RAD51B: variants seen among roughly 807,000 people sequenced by gnomAD.
RAD51B encodes the protein RAD51 paralog B, also known as DNA repair protein RAD51 homolog 2.
In RAD51B, 38 loss-of-function variants were observed where a neutral mutation model predicts 42.2. The observed-to-expected ratio is 0.90, with a 90% confidence interval of 0.70 to 1.18. The LOEUF is 1.18. Among genes scored for constraint, RAD51B ranks in the 50% most tolerant of loss-of-function variants. RAD51B has a pLI of 0.00. For synonymous variants in RAD51B, 154 were observed against 145.2 expected, an observed-to-expected ratio of 1.06 and a Z score of -0.43; for missense variants, 373 against 400.7, an observed-to-expected ratio of 0.93 and a Z score of 0.59.
chr14:68,236,195 C>T (rs565677471), intron 7 of RAD51B: 20 of 152,180 alleles, frequency 1.3e-4, no homozygotes, highest in Admixed American at 1.2e-3. Flanking sequence ...GGTATATGTG[C>T]CCCTGAACCT....
chr14:68,514,418 A>G (rs973951836), intron 10 of RAD51B, among the ~76,000 whole-genome samples: 3 of 152,194 alleles, frequency 2.0e-5, no homozygotes, highest in Non-Finnish European at 4.4e-5. Flanking sequence ...CAAGTGGACA[A>G]ATCTGATCAA....
At chr14:67,827,972 T>C (rs990531757) in intron 3 of RAD51B, among the ~76,000 whole-genome samples, 4 of 152,228 alleles carry the variant, frequency 2.6e-5, no homozygotes, top group African/African-American at 9.6e-5. Flanking sequence ...ATATTTATAA[T>C]AGAATGATTT....
intron 9 of RAD51B, among the ~76,000 whole-genome samples, chr14:68,450,142 C>T (rs975561116): frequency 6.6e-5 from 9 of 135,914 alleles, no homozygotes; most frequent in Admixed American, 3.8e-4. Flanking sequence ...GCCTGGTAGG[C>T]GGATAGGAGC....
chr14:68,674,476 T>G (rs992302400), intron 11 of RAD51B, among the ~76,000 whole-genome samples: 1 of 151,856 alleles, frequency 6.6e-6, no homozygotes, highest in Non-Finnish European at 1.5e-5. Context: ...TATAGAAGTC[T>G]TTTTAGATAT....
intron 11 of RAD51B, among the ~76,000 whole-genome samples, chr14:68,664,175 A>C (rs780621067): frequency 3.3e-5 from 5 of 152,178 alleles, no homozygotes; most frequent in Admixed American, 2.0e-4. Context: ...AGTCAATTCT[A>C]TCACTTATTG....
chr14:68,169,476 T>C lies in RAD51B; in HGVS notation c.757-122408T>C, dbSNP rs1285609115. On this transcript the variant is annotated intron_variant, in intron 7 of 10. Coordinates refer to ENST00000471583, the MANE Select transcript of RAD51B (RefSeq NM_133510.4). Reference sequence around the variant, plus strand: ...TCCCATTCATCTGTTCCTTAACATATAACCCCTTAATGTTTTATATCGTAA... The same window carrying C: ...TCCCATTCATCTGTTCCTTAACATACAACCCCTTAATGTTTTATATCGTAA... Among the ~76,000 whole-genome samples, 11 of 152,192 alleles carry C rather than the reference T, an allele frequency of 7.2e-5. No homozygotes were observed. In the East Asian group the frequency reaches 2.1e-3, roughly 29 times the overall value.
chr14:67,897,570 C>T (rs942539120), intron 7 of RAD51B, among the ~76,000 whole-genome samples: 1 of 151,554 alleles, frequency 6.6e-6, no homozygotes, highest in East Asian at 1.9e-4. Flanking sequence ...ACACTCACAT[C>T]GCTTAATACG....
chr14:68,143,849 G>C (rs2078193558), intron 7 of RAD51B, among the ~76,000 whole-genome samples: 5 of 152,060 alleles, frequency 3.3e-5, no homozygotes, highest in Admixed American at 3.3e-4. Context: ...ACTTTTACCT[G>C]GTTTATGGAC....
chr14:68,309,217 G>T (rs2081924777), intron 8 of RAD51B, among the ~76,000 whole-genome samples: 1 of 152,152 alleles, frequency 6.6e-6, no homozygotes, highest in South Asian at 2.1e-4. Context: ...GATAGCTCAT[G>T]TTCTCCACCA....
At chr14:67,837,650 T>C (rs1284405446) in intron 4 of RAD51B, among the ~76,000 whole-genome samples, 1 of 152,102 alleles carries the variant, frequency 6.6e-6, no homozygotes, top group East Asian at 1.9e-4. Context: ...TTTTTTTGCT[T>C]TTATTACAAT....
At chr14:68,558,048 C>T (rs1056998181) in intron 10 of RAD51B, among the ~76,000 whole-genome samples, 8 of 152,206 alleles carry the variant, frequency 5.3e-5, no homozygotes, top group East Asian at 1.9e-4. Context: ...CATAAATTTA[C>T]GCCACCCCAT....
chr14:68,056,497 C>T (rs1259573177), intron 7 of RAD51B, among the ~76,000 whole-genome samples: 1 of 151,850 alleles, frequency 6.6e-6, no homozygotes, highest in Non-Finnish European at 1.5e-5. Flanking sequence ...GCCTGTAGTT[C>T]CAGCACTTTG....
chr14:68,096,806 A>ATG (rs111474104), intron 7 of RAD51B, among the ~76,000 whole-genome samples: 163 of 151,946 alleles, frequency 1.1e-3, no homozygotes, highest in African/African-American at 3.8e-3. Flanking sequence ...AATAAATGAT[A>ATG]TGTGTGTGTG....
intron 10 of RAD51B, among the ~76,000 whole-genome samples, chr14:68,511,570 G>A (rs1885730335): frequency 6.6e-6 from 1 of 152,188 alleles, no homozygotes; most frequent in Non-Finnish European, 1.5e-5. Flanking sequence ...AATATTCTGG[G>A]AGAATTGCTA....
intron 10 of RAD51B, among the ~76,000 whole-genome samples, chr14:68,508,384 G>A (rs1405025333): frequency 6.6e-6 from 1 of 152,162 alleles, no homozygotes; most frequent in Non-Finnish European, 1.5e-5. Flanking sequence ...AAGGAACGGG[G>A]ACCTGGGGAC....
intron 8 of RAD51B, among the ~76,000 whole-genome samples, chr14:68,331,720 AG>A (rs2082356109): frequency 6.6e-6 from 1 of 152,170 alleles, no homozygotes; most frequent in South Asian, 2.1e-4. Flanking sequence ...TTTATCCAGG[AG>A]GGTTTCCAGC....
chr14:67,901,912 G>A (rs764978306), intron 7 of RAD51B, among the ~76,000 whole-genome samples: 1 of 151,868 alleles, frequency 6.6e-6, no homozygotes, highest in Non-Finnish European at 1.5e-5. Context: ...AAGGGTGGGA[G>A]GGGGTTGGAT....
intron 8 of RAD51B, among the ~76,000 whole-genome samples, chr14:68,326,291 C>T (rs543307920): frequency 5.9e-5 from 9 of 152,110 alleles, no homozygotes; most frequent in Admixed American, 5.9e-4. Context: ...CCACCTGCCT[C>T]GGCCTCCCAG....
chr14:67,954,401 C>T (rs2074509198), intron 7 of RAD51B, among the ~76,000 whole-genome samples: 1 of 152,148 alleles, frequency 6.6e-6, no homozygotes, highest in South Asian at 2.1e-4. Context: ...TGGATGCTGA[C>T]TCTCGTGTTT....
Sources: allele counts gnomAD v4.1 joint callset (sites outside exome capture counted in the v4.1 genomes callset), GRCh38; gene constraint gnomAD v4.1.1; transcripts MANE v1.5; gene names NCBI Gene and HGNC (gene_info 2026-07-23, HGNC 2026-07-21).